RTL4: variants seen among roughly 807,000 people sequenced by gnomAD.
RTL4 encodes retrotransposon Gag-like protein 4.
In RTL4, 4 loss-of-function variants were observed where a neutral mutation model predicts 5.3. That is an observed-to-expected ratio of 0.75 (90% CI 0.37 to 1.72). The LOEUF is 1.72. Ranked by LOEUF, RTL4 falls within the 40% of genes most tolerant of loss-of-function variation. RTL4 has a pLI of 0.04. For missense variants in RTL4, 260 were observed against 227.1 expected (o/e 1.14, Z -0.93); for synonymous variants, 98 against 87.3 (o/e 1.12, Z -0.68).
the RTL4 span, among the ~76,000 whole-genome samples, chrX:112,306,542 C>T: frequency 2.7e-5 from 3 of 111,558 alleles, no homozygotes; most frequent in African/African-American, 9.8e-5. Flanking sequence ...AACCAGCTTT[C>T]AAACCTAGCC....
At chrX:112,227,102 T>A in the RTL4 span, among the ~76,000 whole-genome samples, 1 of 111,102 alleles carries the variant, frequency 9.0e-6, no homozygotes, top group African/African-American at 3.3e-5. Context: ...GCATTTGAGC[T>A]TGTCTTTGGT....
At chrX:112,372,911 T>C in the RTL4 span, among the ~76,000 whole-genome samples, 1 of 111,944 alleles carries the variant, frequency 8.9e-6, no homozygotes, top group East Asian at 2.8e-4. Flanking sequence ...GAAAAAGTTC[T>C]ATGTTGTGTC....
chrX:112,142,948 C>T, the RTL4 span, among the ~76,000 whole-genome samples: 1 of 110,893 alleles, frequency 9.0e-6, no homozygotes, highest in South Asian at 3.9e-4. Flanking sequence ...TCTACCTAAG[C>T]CTCCCGAGTA....
chrX:112,410,195 A>G, the RTL4 span, among the ~76,000 whole-genome samples: 1 of 112,275 alleles, frequency 8.9e-6, no homozygotes, highest in Non-Finnish European at 1.9e-5. Flanking sequence ...GTTAATGTAT[A>G]TGCACCCAAC....
the RTL4 span, among the ~76,000 whole-genome samples, chrX:112,097,766 C>T: frequency 9.0e-6 from 1 of 111,205 alleles, no homozygotes; most frequent in Non-Finnish European, 1.9e-5. Context: ...ACTTCTGGCC[C>T]ATTCTGGAGA....
the RTL4 span, among the ~76,000 whole-genome samples, chrX:112,192,070 C>T: frequency 1.1e-5 from 1 of 87,345 alleles, no homozygotes. Context: ...CAGAGAAATA[C>T]TAGGGTTTTT....
At chrX:112,393,147 C>CTTT in the RTL4 span, among the ~76,000 whole-genome samples, 62 of 81,449 alleles carry the variant, frequency 7.6e-4, no homozygotes, top group African/African-American at 2.9e-3. Context: ...TTCTTTCTTT[C>CTTT]TTTTTTTTTT....
At chrX:112,225,604 T>C in the RTL4 span, among the ~76,000 whole-genome samples, 20 of 111,977 alleles carry the variant, frequency 1.8e-4, 1 homozygote, top group Admixed American at 1.4e-3. Flanking sequence ...TGAGACCAAA[T>C]GAGCCCAGAT....
the RTL4 span, among the ~76,000 whole-genome samples, chrX:112,333,131 T>C: frequency 9.0e-6 from 1 of 110,588 alleles, no homozygotes; most frequent in Non-Finnish European, 1.9e-5. Context: ...GGTGTGTGCA[T>C]GTGTGTATAT....
chrX:112,367,770 T>C, the RTL4 span, among the ~76,000 whole-genome samples: 23 of 111,672 alleles, frequency 2.1e-4, no homozygotes, highest in Non-Finnish European at 3.8e-5. Flanking sequence ...CACAGAGTGA[T>C]CAAGGGATTA....
the RTL4 span, among the ~76,000 whole-genome samples, chrX:112,257,889 G>GTATATA: frequency 1.1e-3 from 110 of 101,891 alleles, no homozygotes; most frequent in African/African-American, 3.8e-3. Flanking sequence ...ATATATATGT[G>GTATATA]TATATATATA....
the RTL4 span, among the ~76,000 whole-genome samples, chrX:112,106,411 A>T: frequency 1.0e-3 from 116 of 112,028 alleles, no homozygotes; most frequent in Non-Finnish European, 1.8e-3. Context: ...TGAGAGGGAT[A>T]GGTATTAATT....
the RTL4 span, among the ~76,000 whole-genome samples, chrX:112,217,902 A>G: frequency 9.0e-6 from 1 of 111,537 alleles, no homozygotes; most frequent in Non-Finnish European, 1.9e-5. Flanking sequence ...AAAAATGGAA[A>G]TCAAAAAGAT....
the RTL4 span, among the ~76,000 whole-genome samples, chrX:112,284,203 A>G: frequency 6.5e-5 from 7 of 107,796 alleles, no homozygotes; most frequent in Non-Finnish European, 1.1e-4. Flanking sequence ...ATGTATTTTT[A>G]TATCTATTTA....
the RTL4 span, among the ~76,000 whole-genome samples, chrX:112,437,222 C>T: frequency 0.48 from 53,243 of 110,259 alleles, 9,804 homozygotes; most frequent in African/African-American, 0.65. Context: ...AATTAAGAAG[C>T]TGATGCTTCT....
the RTL4 span, among the ~76,000 whole-genome samples, chrX:112,298,132 C>G: frequency 9.0e-6 from 1 of 111,528 alleles, no homozygotes; most frequent in Non-Finnish European, 1.9e-5. Context: ...GGCAAATTAT[C>G]TCACCTATCT....
the RTL4 span, among the ~76,000 whole-genome samples, chrX:112,139,808 G>A: frequency 3.6e-5 from 4 of 112,069 alleles, no homozygotes; most frequent in African/African-American, 1.3e-4. Context: ...CCCAGTGGGA[G>A]ATAATTTGAA....
the RTL4 span, among the ~76,000 whole-genome samples, chrX:112,371,172 A>G: frequency 9.9e-5 from 11 of 111,222 alleles, no homozygotes; most frequent in African/African-American, 3.3e-4. Flanking sequence ...GGACATTTAG[A>G]CATAGTTTTA....
At chrX:112,209,805 C>T in the RTL4 span, among the ~76,000 whole-genome samples, 1 of 111,609 alleles carries the variant, frequency 9.0e-6, no homozygotes, top group African/African-American at 3.3e-5. Context: ...GACTTGATGA[C>T]CCATAGCCAA....
Sources: gnomAD v4.1 joint callset for allele counts (sites outside exome capture counted in the v4.1 genomes callset) on GRCh38, gnomAD v4.1.1 for gene constraint, MANE v1.5 for transcripts, NCBI Gene and HGNC (gene_info 2026-07-23, HGNC 2026-07-21) for gene names.